RANBP2: variants seen among roughly 807,000 people sequenced by gnomAD.
The protein encoded by RANBP2 is E3 SUMO-protein ligase RanBP2.
In RANBP2, 57 loss-of-function variants were observed where a neutral mutation model predicts 303.6. The ratio of observed to expected loss-of-function variants is 0.19; its 90% CI spans 0.15 to 0.23. The LOEUF is 0.23. RANBP2 is among the 10% of genes least tolerant of loss of function. The pLI is 1.00. For missense variants in RANBP2, 3,138 were observed against 3,780.8 expected (o/e 0.83, Z 4.46); for synonymous variants, 1,167 against 1,301.5 (o/e 0.90, Z 2.23).
At chr2:109,349,855 C>A in the RANBP2 span, among the ~76,000 whole-genome samples, 1 of 152,252 alleles carries the variant, frequency 6.6e-6, no homozygotes, top group Non-Finnish European at 1.5e-5. Flanking sequence ...GGATGTGCAA[C>A]CCCAGGCTGA....
At chr2:108,950,396 G>A in the RANBP2 span, among the ~76,000 whole-genome samples, 2 of 152,064 alleles carry the variant, frequency 1.3e-5, no homozygotes, top group Non-Finnish European at 2.9e-5. Flanking sequence ...GAGTACAGGT[G>A]CATGCCACTG....
the RANBP2 span, among the ~76,000 whole-genome samples, chr2:109,343,640 G>A: frequency 3.3e-5 from 5 of 152,124 alleles, no homozygotes; most frequent in African/African-American, 4.8e-5. Flanking sequence ...CTCGAGCCCA[G>A]CAGGTGGGTT....
chr2:109,191,056 C>A, the RANBP2 span, among the ~76,000 whole-genome samples: 142 of 152,138 alleles, frequency 9.3e-4, no homozygotes, highest in South Asian at 3.1e-3. Flanking sequence ...CACAAAGAGT[C>A]TAACCTCCTC....
the RANBP2 span, among the ~76,000 whole-genome samples, chr2:108,962,360 T>A: frequency 6.6e-6 from 1 of 152,086 alleles, no homozygotes; most frequent in African/African-American, 2.4e-5. Flanking sequence ...AAAGCTCAAA[T>A]AGCCAATAAG....
At chr2:109,221,701 C>T in the RANBP2 span, among the ~76,000 whole-genome samples, 1 of 152,034 alleles carries the variant, frequency 6.6e-6, no homozygotes, top group African/African-American at 2.4e-5. Flanking sequence ...TTTCCTTCCC[C>T]AATTTTTAAT....
At chr2:108,925,064 C>G in the RANBP2 span, among the ~76,000 whole-genome samples, 2 of 152,110 alleles carry the variant, frequency 1.3e-5, no homozygotes, top group Non-Finnish European at 2.9e-5. Context: ...TCCACGCATT[C>G]TCTCTCCCAC....
chr2:109,564,857 C>T, the RANBP2 span, among the ~76,000 whole-genome samples: 2 of 152,178 alleles, frequency 1.3e-5, no homozygotes, highest in African/African-American at 4.8e-5. Context: ...ATTTTGTTAG[C>T]AGTTTACAAA....
the RANBP2 span, among the ~76,000 whole-genome samples, chr2:108,902,150 A>C: frequency 1.3e-5 from 2 of 151,896 alleles, no homozygotes; most frequent in Non-Finnish European, 2.9e-5. Context: ...AGAAAGGAGA[A>C]TCGCTTAAAC....
At chr2:109,240,712 C>G in the RANBP2 span, among the ~76,000 whole-genome samples, 1 of 152,128 alleles carries the variant, frequency 6.6e-6, no homozygotes, top group Non-Finnish European at 1.5e-5. Context: ...TCCCTCCCTC[C>G]CACCTCTGAG....
the RANBP2 span, among the ~76,000 whole-genome samples, chr2:109,494,051 G>A: frequency 3.1e-4 from 47 of 152,108 alleles, no homozygotes; most frequent in Non-Finnish European, 5.7e-4. Flanking sequence ...CTGCCGGCTC[G>A]TGAGAATGAC....
chr2:108,837,358 C>T, the RANBP2 span, among the ~76,000 whole-genome samples: 8 of 152,058 alleles, frequency 5.3e-5, no homozygotes, highest in Non-Finnish European at 5.9e-5. Context: ...AATGTTGAAC[C>T]GTCCTTGCAT....
the RANBP2 span, among the ~76,000 whole-genome samples, chr2:109,060,709 C>T: frequency 7.7e-4 from 117 of 152,294 alleles, no homozygotes; most frequent in African/African-American, 2.6e-3. Flanking sequence ...GACACCAGCT[C>T]CAGGATGATC....
chr2:109,337,025 T>G, the RANBP2 span, among the ~76,000 whole-genome samples: 2 of 152,246 alleles, frequency 1.3e-5, no homozygotes, highest in African/African-American at 4.8e-5. Context: ...TCATTAGGTA[T>G]GCTTTGATTC....
At chr2:109,524,822 T>C in the RANBP2 span, among the ~76,000 whole-genome samples, 2 of 152,002 alleles carry the variant, frequency 1.3e-5, no homozygotes, top group African/African-American at 4.8e-5. Flanking sequence ...TTTTTAAGGG[T>C]TTCTAAATGA....
At chr2:109,252,644 G>A in the RANBP2 span, among the ~76,000 whole-genome samples, 5 of 152,298 alleles carry the variant, frequency 3.3e-5, no homozygotes, top group East Asian at 1.9e-4. Context: ...AGTTGAAAAC[G>A]CATGTAATAC....
the RANBP2 span, among the ~76,000 whole-genome samples, chr2:109,663,628 C>G: frequency 1.3e-5 from 2 of 152,152 alleles, no homozygotes; most frequent in African/African-American, 4.8e-5. Flanking sequence ...CTGAAACTCA[C>G]AACTATATTA....
At chr2:108,881,898 CT>C in the RANBP2 span, among the ~76,000 whole-genome samples, 3 of 152,120 alleles carry the variant, frequency 2.0e-5, no homozygotes, top group African/African-American at 7.2e-5. Context: ...AACCCCAGCA[CT>C]TTGGGAAGCT....
the RANBP2 span, among the ~76,000 whole-genome samples, chr2:109,494,023 T>G: frequency 1.3e-5 from 2 of 152,156 alleles, no homozygotes; most frequent in African/African-American, 4.8e-5. Flanking sequence ...GGCCCTTGTC[T>G]GGAGTCACAG....
At chr2:108,773,130 T>A in intron 23 of RANBP2, 84 bp downstream of exon 23, 1 of 1,416,344 alleles carries the variant, frequency 7.1e-7, no homozygotes, top group East Asian at 2.5e-5. Context: ...TATTTATTTA[T>A]TTTTGAGACA....
Sources: gnomAD v4.1 joint callset for allele counts (sites outside exome capture counted in the v4.1 genomes callset) on GRCh38, gnomAD v4.1.1 for gene constraint, MANE v1.5 for transcripts, NCBI Gene and HGNC (gene_info 2026-07-23, HGNC 2026-07-21) for gene names.